Variants in BCLAF3 observed in about 807,000 individuals in gnomAD.
BCLAF3 encodes transient octamer binding factor 1.
Under a neutral mutation model 51.2 loss-of-function variants are expected in BCLAF3, and 24 were observed. The observed-to-expected ratio is 0.47, with a 90% confidence interval of 0.34 to 0.66. The LOEUF is 0.66. Among genes scored for constraint, BCLAF3 ranks in the 30% least tolerant of loss-of-function variants. BCLAF3 has a pLI of 0.01. For synonymous variants in BCLAF3, 152 were observed against 176.6 expected (o/e 0.86, Z 1.10); for missense variants, 465 against 525.1 (o/e 0.89, Z 1.12).
At chrX:19,930,286 A>G (rs989046423) in intron 10 of BCLAF3, 6 of 130,918 alleles carry the variant, frequency 4.6e-5, no homozygotes, top group African/African-American at 1.9e-4. Flanking sequence ...GAAAAGTACA[A>G]AAGAGTGCCA....
At chrX:19,988,432 A>G (rs2072869835) in intron 1 of BCLAF3, among the ~76,000 whole-genome samples, 2 of 111,647 alleles carry the variant, frequency 1.8e-5, no homozygotes, top group Non-Finnish European at 3.8e-5. Flanking sequence ...ACTTTAAAAA[A>G]TGTATGAACC....
At chrX:19,956,609 ATTATT>A (rs2071674626) in intron 4 of BCLAF3, among the ~76,000 whole-genome samples, 1 of 111,616 alleles carries the variant, frequency 9.0e-6, no homozygotes, top group Non-Finnish European at 1.9e-5. Context: ...AAATTTTCTC[ATTATT>A]TTATATTTAT....
At chrX:19,926,394 A>G (rs909933222) in intron 11 of BCLAF3, among the ~76,000 whole-genome samples, 2 of 111,576 alleles carry the variant, frequency 1.8e-5, no homozygotes, top group African/African-American at 6.5e-5. Context: ...CTTATGTCCT[A>G]TGATGAAGGC....
intron 7 of BCLAF3, among the ~76,000 whole-genome samples, chrX:19,952,575 A>C (rs1227420189): frequency 1.8e-5 from 2 of 111,604 alleles, no homozygotes; most frequent in African/African-American, 6.5e-5. Flanking sequence ...AGTAAACAGA[A>C]GGGCAATATC....
intron 11 of BCLAF3, among the ~76,000 whole-genome samples, chrX:19,927,056 A>G (rs112253415): frequency 0.015 from 1,674 of 110,609 alleles, 12 homozygotes; most frequent in Middle Eastern, 0.018. Context: ...GTGAAACCTC[A>G]CCTCTACTAA....
At chrX:19,977,925 C>G (rs2072479006) in intron 1 of BCLAF3, among the ~76,000 whole-genome samples, 1 of 111,224 alleles carries the variant, frequency 9.0e-6, no homozygotes, top group South Asian at 3.8e-4. Context: ...TGCCTGTGCT[C>G]CATAAATGGG....
At chrX:19,981,055 T>G (rs1464777498) in intron 1 of BCLAF3, among the ~76,000 whole-genome samples, 1 of 111,268 alleles carries the variant, frequency 9.0e-6, no homozygotes, top group Admixed American at 9.6e-5. Flanking sequence ...TCCACTGCTA[T>G]GTACACAATA....
chrX:19,976,875 A>G (rs1302919800), intron 1 of BCLAF3, among the ~76,000 whole-genome samples: 2 of 111,762 alleles, frequency 1.8e-5, no homozygotes, highest in Non-Finnish European at 3.8e-5. Context: ...ACCTGCATTG[A>G]ACGAGTCTAT....
At chrX:19,980,650 C>G (rs1388261940) in intron 1 of BCLAF3, among the ~76,000 whole-genome samples, 1 of 111,601 alleles carries the variant, frequency 9.0e-6, no homozygotes, top group East Asian at 2.8e-4. Flanking sequence ...AAAATTGCTA[C>G]ACATTGGCTG....
chrX:19,986,006 A>C (rs752976818), intron 1 of BCLAF3, among the ~76,000 whole-genome samples: 2 of 111,783 alleles, frequency 1.8e-5, no homozygotes, highest in East Asian at 2.8e-4. Context: ...GGGGAAAAAA[A>C]CAGAAAAACA....
chrX:19,952,792 T>C (rs775544586), intron 7 of BCLAF3, among the ~76,000 whole-genome samples, 196 bp downstream of exon 7: 2 of 112,053 alleles, frequency 1.8e-5, no homozygotes, highest in South Asian at 7.4e-4. Flanking sequence ...GGAATATTTT[T>C]GTCTTTTGTC....
At chrX:19,926,852 G>A (rs2070373522) in intron 11 of BCLAF3, among the ~76,000 whole-genome samples, 1 of 111,794 alleles carries the variant, frequency 8.9e-6, no homozygotes, top group Admixed American at 9.6e-5. Flanking sequence ...AAGAGAAGCA[G>A]CATCTCTACC....
rs2069932296 is a variant in BCLAF3 at position 19,916,091 on chromosome X, A to G, written c.*1214T>C. ...GTACTAAGATTTTTCACATCCAGTC[A>G]TGAAAAACCAAGTTCTTATCAACCT... On this transcript the variant is annotated 3_prime_UTR_variant, in exon 12 of 12. Transcript: ENST00000379682. 8.9e-6 allele frequency: 1 copy of G among 112,174 alleles called. No individual in the cohort carries two copies. Among genetic ancestry groups the G allele is most frequent in the Admixed American group, 9.5e-5 (1 of 10,536 alleles). The allele number at this position is 112,174 out of a possible 1,213,427, so 9.2% of individuals were successfully genotyped here.
chrX:19,974,888 AT>A (rs1196129983), intron 1 of BCLAF3, among the ~76,000 whole-genome samples: 3 of 111,434 alleles, frequency 2.7e-5, no homozygotes, highest in African/African-American at 6.5e-5. Flanking sequence ...TCTCAAAAAA[AT>A]AAATAAATAA....
intron 5 of BCLAF3, among the ~76,000 whole-genome samples, chrX:19,954,775 C>CAACT (rs1361631482): frequency 8.9e-6 from 1 of 112,368 alleles, no homozygotes; most frequent in Non-Finnish European, 1.9e-5. Flanking sequence ...GTAATACCTA[C>CAACT]AACTGCCTTA....
chrX:19,950,842 A>G lies in BCLAF3; in HGVS notation c.1656T>C (p.Asn552=). 3.3e-6 allele frequency: 4 copies of G among 1,206,441 alleles called. No individual in the cohort carries two copies. Among genetic ancestry groups the G allele is most frequent in the Non-Finnish European group, 4.5e-6 (4 of 891,151 alleles). Residue 552 remains asparagine, a synonymous_variant, in exon 8 of 12, where the codon AAT becomes AAC. Transcript: ENST00000379682. Reference sequence around the variant, plus strand: ...TTCTTTCAATGTCATGTCGTAGGTCATTTGGATCTATTATTTTGATCAGAG... The same window carrying G: ...TTCTTTCAATGTCATGTCGTAGGTCGTTTGGATCTATTATTTTGATCAGAG... ...EQTLIKIIDP[N]DLRHDIERRR... is the part of the protein sequence containing the mutation.
chrX:19,948,204 A>G (rs1248134353), intron 8 of BCLAF3, among the ~76,000 whole-genome samples: 1 of 111,913 alleles, frequency 8.9e-6, no homozygotes, highest in Non-Finnish European at 1.9e-5. Flanking sequence ...CTAGCTATAT[A>G]CTGAAGAGAA....
rs931021831 is a variant in BCLAF3, at chrX:19,913,513, C to T, written c.*3792G>A. ...GATAAATAAGCCAGTTATTCTCAAA[C>T]TCAAGTATGTGCCAGAATCCCCTGG... On this transcript the variant is annotated 3_prime_UTR_variant, in exon 12 of 12. Transcript: ENST00000379682. 8.9e-6 allele frequency: 1 copy of T among 112,734 alleles called. No homozygotes were observed. The highest frequency in any genetic ancestry group is 9.4e-5 in the Admixed American group (1 of 10,656). 9.3% of individuals were successfully genotyped at this position (112,734 alleles called of 1,213,427 possible). A position where few individuals can be genotyped will look rare whatever the true frequency, so the allele number is the denominator to read the frequency against.
chrX:19,982,958 CTTTTTTTTTTTT>C (rs749753466), intron 1 of BCLAF3, among the ~76,000 whole-genome samples: 1 of 72,350 alleles, frequency 1.4e-5, no homozygotes, highest in Non-Finnish European at 2.4e-5. Flanking sequence ...TTTTTTTTTT[CTTTTTTTTTTTT>C]TTTTTTGAGA....
Sources: allele counts gnomAD v4.1 joint callset (sites outside exome capture counted in the v4.1 genomes callset), GRCh38; gene constraint gnomAD v4.1.1; transcripts MANE v1.5; gene names NCBI Gene and HGNC (gene_info 2026-07-23, HGNC 2026-07-21).